The following SPTBN1 variants were observed in gnomAD, a reference collection of about 807,000 sequenced individuals.
SPTBN1 encodes the protein spectrin beta chain, non-erythrocytic 1.
A neutral mutation model predicts 266.4 loss-of-function variants in SPTBN1; 32 were observed. That is an observed-to-expected ratio of 0.12 (90% CI 0.09 to 0.16). The LOEUF is 0.16. Ranked by LOEUF, SPTBN1 falls within the 10% of genes least tolerant of loss-of-function variation. The pLI is 1.00. For missense variants in SPTBN1, 2,296 were observed against 3,067.1 expected, an observed-to-expected ratio of 0.75 and a Z score of 5.94; for synonymous variants, 1,336 against 1,162.2, an observed-to-expected ratio of 1.15 and a Z score of -3.04.
intron 1 of SPTBN1, among the ~76,000 whole-genome samples, chr2:54,498,640 A>G (rs1243035967): frequency 6.6e-6 from 1 of 152,222 alleles, no homozygotes; most frequent in Non-Finnish European, 1.5e-5. Flanking sequence ...GCAACTATAT[A>G]TACATCCCTA....
At chr2:54,648,928 C>T in intron 24 of SPTBN1, 58 bp from the exon 25 acceptor site, 2 of 1,474,592 alleles carry the variant, frequency 1.4e-6, no homozygotes, top group Non-Finnish European at 1.8e-6. Context: ...TGTTTTTCCC[C>T]TGAAGAAACT....
rs903680557 is a variant in SPTBN1 at position 54,669,533 on chromosome 2, C to A, written c.*964C>A. 7 of 152,754 alleles carry A rather than the reference C, an allele frequency of 4.6e-5. No homozygotes were observed. The highest frequency in any genetic ancestry group is 3.3e-4 in the Admixed American group (5 of 15,298). 9.5% of individuals were successfully genotyped at this position (152,754 alleles called of 1,614,324 possible). A position where few individuals can be genotyped will look rare whatever the true frequency, so the allele number is the denominator to read the frequency against. ...TCATCTTACTGCACAATCAAAATGACATTGATAGGAATGAACTCCAGAGGC... is the reference window on the plus strand; with the variant it reads ...TCATCTTACTGCACAATCAAAATGAAATTGATAGGAATGAACTCCAGAGGC... On this transcript the variant is annotated 3_prime_UTR_variant, in exon 36 of 36. Transcript: ENST00000356805.
intron 3 of SPTBN1, among the ~76,000 whole-genome samples, chr2:54,603,286 C>T (rs76242020): frequency 0.065 from 9,843 of 152,204 alleles, 397 homozygotes; most frequent in African/African-American, 0.11. Flanking sequence ...TAGCAGGCAT[C>T]AGGAACTGGC....
intron 9 of SPTBN1, among the ~76,000 whole-genome samples, chr2:54,623,191 A>G (rs1339474723): frequency 6.6e-6 from 1 of 152,218 alleles, no homozygotes; most frequent in Admixed American, 6.5e-5. Flanking sequence ...ACACTGAATG[A>G]ATGAAGTAAG....
rs990695672 is a variant in SPTBN1 at position 54,668,631 on chromosome 2, T to C, written c.*62T>C. 7.1e-7 allele frequency: 1 copy of C among 1,407,274 alleles called. No individual in the cohort carries two copies. The highest frequency in any genetic ancestry group is 9.6e-7 in the Non-Finnish European group (1 of 1,040,082). The allele number at this position is 1,407,274 out of a possible 1,614,324, so 87.2% of individuals were successfully genotyped here. A position where few individuals can be genotyped will look rare whatever the true frequency, so the allele number is the denominator to read the frequency against. Reference sequence around the variant, plus strand: ...TTCAGTGAAATTCCAGCATGCAAGCTCAGAACCAACACATTACTCTCTGTG... The same window carrying C: ...TTCAGTGAAATTCCAGCATGCAAGCCCAGAACCAACACATTACTCTCTGTG... On this transcript the variant is annotated 3_prime_UTR_variant, in exon 36 of 36. Transcript: ENST00000356805.
intron 1 of SPTBN1, among the ~76,000 whole-genome samples, chr2:54,477,850 G>C (rs1558760752): frequency 6.6e-6 from 1 of 152,158 alleles, no homozygotes; most frequent in Admixed American, 6.5e-5. Context: ...GGCGGAGGTT[G>C]CAGTGAGCCA....
In SPTBN1 at chr2:54,659,278, C is replaced by T. The variant is rs1376212081; in HGVS notation, c.6356+12C>T. On this transcript the variant is annotated intron_variant, in intron 31 of 35. Transcript: ENST00000356805. ...TCCCAGCAGCAGTGGTGAGTCCCAGCAGCTCCAGAGGCTGGACCCTTAGCC... is the reference window on the plus strand; with the variant it reads ...TCCCAGCAGCAGTGGTGAGTCCCAGTAGCTCCAGAGGCTGGACCCTTAGCC... The T allele has an allele frequency of 6.2e-7, 1 of 1,613,586 alleles. No individual in the cohort carries two copies. Among genetic ancestry groups the T allele is most frequent in the Non-Finnish European group, 8.5e-7 (1 of 1,179,626 alleles).
chr2:54,640,780 G>C (rs1246017439), intron 18 of SPTBN1, among the ~76,000 whole-genome samples: 2 of 152,208 alleles, frequency 1.3e-5, no homozygotes, highest in Admixed American at 6.5e-5. Context: ...TTGAACTCCT[G>C]GCCTCAAGTG....
intron 8 of SPTBN1, among the ~76,000 whole-genome samples, chr2:54,621,792 A>G (rs376150584): frequency 1.3e-5 from 2 of 152,180 alleles, no homozygotes; most frequent in Non-Finnish European, 2.9e-5. Flanking sequence ...GAGTTGCCTA[A>G]TGTCATGGGT....
intron 2 of SPTBN1, 117 bp downstream of exon 2, chr2:54,526,683 T>A: frequency 7.8e-7 from 1 of 1,282,384 alleles, no homozygotes; most frequent in Non-Finnish European, 1.0e-6. Flanking sequence ...CACTTCTATT[T>A]AAATGTGTCC....
intron 2 of SPTBN1, chr2:54,546,632 T>G (rs1446174671): frequency 1.3e-5 from 2 of 152,246 alleles, no homozygotes; most frequent in African/African-American, 2.4e-5. Flanking sequence ...TAATGACAAC[T>G]CTGTGGGAAA....
rs1455480764 is a variant in SPTBN1 at position 54,521,471 on chromosome 2, A to C, written c.-47-4901A>C. Reference sequence around the variant, plus strand: ...GAAGAAAAAAGATGTCTCTACCATCAAATTCTGGACACTTGAGTGAAACAG... The same window carrying C: ...GAAGAAAAAAGATGTCTCTACCATCCAATTCTGGACACTTGAGTGAAACAG... On this transcript the variant is annotated intron_variant, in intron 1 of 35. Transcript: ENST00000356805. Among the ~76,000 whole-genome samples, 3 of 152,378 alleles carry C rather than the reference A, an allele frequency of 2.0e-5. No individual in the cohort carries two copies. The East Asian group carries it at 5.8e-4, about 29-fold the overall frequency.
chr2:54,657,180 T>G lies in SPTBN1; in HGVS notation c.6047-670T>G, dbSNP rs145435080. 3.4e-3 allele frequency among the ~76,000 whole-genome samples: 514 copies of G among 152,318 alleles called. 2 individuals carry two copies. The highest frequency in any genetic ancestry group is 0.027 in the Middle Eastern group (8 of 294). On this transcript the variant is annotated intron_variant, in intron 29 of 35. Coordinates refer to ENST00000356805, the MANE Select transcript of SPTBN1 (RefSeq NM_003128.3). ...AACTAGTGTTCCATTTCCTCACAGG[T>G]GGAAGAACAGAATGAAACAGAGCAA... is the stretch of plus-strand genomic sequence containing the variant.
chr2:54,477,904 C>T (rs1459545927), intron 1 of SPTBN1, among the ~76,000 whole-genome samples: 2 of 148,098 alleles, frequency 1.4e-5, no homozygotes, highest in Non-Finnish European at 3.0e-5. Context: ...GAGTAAGAGT[C>T]CATCTCAAAA....
intron 17 of SPTBN1, among the ~76,000 whole-genome samples, chr2:54,634,164 G>A (rs1459224731): frequency 2.0e-5 from 3 of 152,148 alleles, no homozygotes; most frequent in African/African-American, 7.2e-5. Flanking sequence ...TCCTGCAGGC[G>A]GGCTTGGCTG....
At position 54,529,881 on chromosome 2, in the gene SPTBN1, AAAAG is replaced by A. The variant is rs1408379205; in HGVS notation, c.148+3316_148+3319del. 1.6e-4 allele frequency: 58 copies of A among 359,086 alleles called. 5 individuals carry two copies. The highest frequency in any genetic ancestry group is 9.5e-4 in the Middle Eastern group (1 of 1,052). 22.2% of individuals were successfully genotyped at this position (359,086 alleles called of 1,614,324 possible). A position where few individuals can be genotyped will look rare whatever the true frequency, so the allele number is the denominator to read the frequency against. On this transcript the variant is annotated intron_variant, in intron 2 of 35. Coordinates refer to ENST00000356805, the MANE Select transcript of SPTBN1 (RefSeq NM_003128.3). ...AAAAAAAAAAAAAAAAAAAAAAAAA[AAAAG>A]GTCCACTTGATGTGGGAGTGGTGTG... is the stretch of plus-strand genomic sequence containing the variant.
chr2:54,476,379 T>C (rs748569350), intron 1 of SPTBN1, among the ~76,000 whole-genome samples: 4 of 152,206 alleles, frequency 2.6e-5, no homozygotes, highest in Non-Finnish European at 4.4e-5. Flanking sequence ...GTAGGTAATA[T>C]GGTCGAATCC....
Position 54,622,355 on chromosome 2 carries a change from C to T in SPTBN1, c.932C>T (p.Ala311Val). The change falls in exon 9 of 36, where the codon GCC becomes GTC. Residue 311 changes from alanine (A) to valine (V), a missense_variant. Physicochemically the swap from Ala to Val is moderately conservative, Grantham distance 64. Transcript: ENST00000356805. ...EKMIEKYESL[A>V]SDLLEWIEQT... ...ATGATTGAAAAGTATGAATCACTTG[C>T]CTCTGACCTTCTGGAATGGATTGAA... 1.2e-6 allele frequency: 2 copies of T among 1,614,186 alleles called. No individual in the cohort carries two copies. The highest frequency in any genetic ancestry group is 1.7e-6 in the Non-Finnish European group (2 of 1,180,022).
At chr2:54,545,775 G>T (rs1573383386) in intron 2 of SPTBN1, among the ~76,000 whole-genome samples, 1 of 151,978 alleles carries the variant, frequency 6.6e-6, no homozygotes, top group Non-Finnish European at 1.5e-5. Flanking sequence ...ACAAGGGGGT[G>T]GGCTGGATGG....
Sources: gnomAD v4.1 joint callset for allele counts (sites outside exome capture counted in the v4.1 genomes callset) on GRCh38, gnomAD v4.1.1 for gene constraint, MANE v1.5 for transcripts, NCBI Gene and HGNC (gene_info 2026-07-23, HGNC 2026-07-21) for gene names.